Variants in SCARB1 observed in about 807,000 individuals in gnomAD.
The protein encoded by SCARB1 is scavenger receptor class B member 1.
Under a neutral mutation model 57.2 loss-of-function variants are expected in SCARB1, and 30 were observed. The observed-to-expected ratio is 0.52, with a 90% CI of 0.39 to 0.71. The LOEUF (loss-of-function observed/expected upper bound fraction) is 0.71, where lower values mean the gene tolerates loss of function less well. Ranked by LOEUF, SCARB1 falls within the 30% of genes least tolerant of loss-of-function variation. The pLI is 0.00. For synonymous variants in SCARB1, 249 were observed against 268.3 expected, an observed-to-expected ratio of 0.93 and a Z score of 0.70; for missense variants, 543 against 671.2, an observed-to-expected ratio of 0.81 and a Z score of 2.11.
intron 7 of SCARB1, among the ~76,000 whole-genome samples, chr12:124,803,578 G>A (rs1950210829): frequency 7.3e-6 from 1 of 136,356 alleles, no homozygotes. Context: ...AAAAAACAAA[G>A]CAAAAAACCC....
rs761582476 is a variant in SCARB1, at chr12:124,807,744, CAG to C, written c.1009+15_1009+16del. 1.9e-6 allele frequency: 3 copies of C among 1,613,702 alleles called. No homozygotes were observed. Among genetic ancestry groups the C allele is most frequent in the African/African-American group, 1.3e-5 (1 of 75,010 alleles). ...CTCACACCCTCCCGCCATCCCAGCA[CAG>C]GGGACGGCACGTACTGAACCTGCAG... On this transcript the variant is annotated intron_variant, in intron 7 of 12. Transcript: ENST00000261693. This position sits in a 1 kb window ranked among gnomAD's most constrained non-coding sequence, Gnocchi z 5.3.
intron 1 of SCARB1, among the ~76,000 whole-genome samples, chr12:124,824,254 C>T (rs1038921264): frequency 6.6e-6 from 1 of 151,526 alleles, no homozygotes; most frequent in Non-Finnish European, 1.5e-5. Flanking sequence ...ATGGACAAAC[C>T]TCAAAAACCT....
At chr12:124,787,532 A>G (rs947244466) in intron 9 of SCARB1, 75 bp from the exon 10 acceptor site, 1 of 1,298,072 alleles carries the variant, frequency 7.7e-7, no homozygotes, top group Non-Finnish European at 1.1e-6. Flanking sequence ...CTTGAATACA[A>G]CATCTAAACA....
Position 124,800,321 on chromosome 12 carries a change from G to A in SCARB1, c.1010-79C>T. On this transcript the variant is annotated intron_variant, in intron 7 of 12. Transcript: ENST00000261693. This position sits in a 1 kb window ranked among gnomAD's most constrained non-coding sequence, Gnocchi z 4.8. ...CTGCCAGGCCGGAGGTCTGCACAGA[G>A]CTGTGGTCTGCAGGGCACCCCCGTG... 1 of 1,060,888 alleles carries A rather than the reference G, an allele frequency of 9.4e-7. No individual in the cohort carries two copies. The highest frequency in any genetic ancestry group is 1.4e-6 in the Non-Finnish European group (1 of 691,130). 65.7% of individuals were successfully genotyped at this position (1,060,888 alleles called of 1,614,324 possible).
intron 7 of SCARB1, among the ~76,000 whole-genome samples, chr12:124,802,399 T>G (rs1950166548): frequency 6.6e-6 from 1 of 152,050 alleles, no homozygotes; most frequent in South Asian, 2.1e-4. Flanking sequence ...CACTCTCACC[T>G]CCTTGGACCT....
intron 8 of SCARB1, among the ~76,000 whole-genome samples, chr12:124,798,060 T>C (rs1950005993): frequency 1.3e-5 from 2 of 152,180 alleles, no homozygotes; most frequent in South Asian, 2.1e-4. Flanking sequence ...CGTCAGTGAA[T>C]GAATGGGCAG....
chr12:124,841,438 T>C (rs1010825852), intron 1 of SCARB1, among the ~76,000 whole-genome samples: 1 of 145,546 alleles, frequency 6.9e-6, no homozygotes, highest in South Asian at 2.2e-4. Flanking sequence ...GCTGATACCA[T>C]GCCACTGCAC....
At chr12:124,806,794 C>T (rs1950339931) in intron 7 of SCARB1, among the ~76,000 whole-genome samples, 1 of 152,028 alleles carries the variant, frequency 6.6e-6, no homozygotes, top group African/African-American at 2.4e-5. Context: ...CCCAGCTACT[C>T]AGGAGGCTGA....
At chr12:124,840,551 CG>C (rs1951868252) in intron 1 of SCARB1, among the ~76,000 whole-genome samples, 1 of 152,048 alleles carries the variant, frequency 6.6e-6, no homozygotes, top group African/African-American at 2.4e-5. Flanking sequence ...GAGTTGTCCT[CG>C]CTTGATTTTA....
chr12:124,849,479 T>C (rs1030331932), intron 1 of SCARB1, among the ~76,000 whole-genome samples: 3 of 152,234 alleles, frequency 2.0e-5, no homozygotes, highest in Non-Finnish European at 2.9e-5. Flanking sequence ...GGCAGGGGTA[T>C]CAATGGGACC....
In SCARB1 at chr12:124,789,406, G is replaced by A. The variant is rs1949640740; in HGVS notation, c.1203-1949C>T. ...CTGTCACAGCCAAAAGGTGCCTAAG[G>A]AGACCGGAAGACCAATGCGACACCT... On this transcript the variant is annotated intron_variant, in intron 9 of 12. Coordinates refer to ENST00000261693, the MANE Select transcript of SCARB1 (RefSeq NM_005505.5). The surrounding 1 kb of genome is among the most constrained non-coding windows in gnomAD (Gnocchi z 4.4). 6.6e-6 allele frequency among the ~76,000 whole-genome samples: 1 copy of A among 150,514 alleles called. No homozygotes were observed. Among genetic ancestry groups the A allele is most frequent in the Non-Finnish European group, 1.5e-5 (1 of 68,038 alleles).
At chr12:124,780,417 T>A (rs1873222919) in intron 12 of SCARB1, among the ~76,000 whole-genome samples, 1 of 152,192 alleles carries the variant, frequency 6.6e-6, no homozygotes, top group African/African-American at 2.4e-5. Flanking sequence ...CTCAGGGCCA[T>A]CCCCATACCC....
intron 10 of SCARB1, among the ~76,000 whole-genome samples, chr12:124,786,953 G>A (rs1049099303): frequency 6.6e-6 from 1 of 152,180 alleles, no homozygotes; most frequent in African/African-American, 2.4e-5. Context: ...AGCTAGCCCT[G>A]ATTTAAAACG....
At chr12:124,843,293 G>T (rs1030400985) in intron 1 of SCARB1, among the ~76,000 whole-genome samples, 2 of 120,920 alleles carry the variant, frequency 1.7e-5, no homozygotes, top group African/African-American at 5.5e-5. Flanking sequence ...GTGGAGATGG[G>T]GGGGGGGGTC....
chr12:124,859,211 T>A (rs918245867), intron 1 of SCARB1, among the ~76,000 whole-genome samples: 16 of 152,134 alleles, frequency 1.1e-4, no homozygotes, highest in African/African-American at 3.9e-4. Flanking sequence ...ACACGTAGCA[T>A]GTGGATACAT....
chr12:124,816,521 A>AAAC (rs774848907), intron 2 of SCARB1, among the ~76,000 whole-genome samples: 63 of 152,182 alleles, frequency 4.1e-4, no homozygotes, highest in Non-Finnish European at 1.6e-4. Flanking sequence ...TCCCATTCCC[A>AAAC]AACCTCAGGC....
At chr12:124,824,185 A>C (rs1343369425) in intron 1 of SCARB1, among the ~76,000 whole-genome samples, 6 of 149,786 alleles carry the variant, frequency 4.0e-5, no homozygotes, top group African/African-American at 7.4e-5. Flanking sequence ...CAAAAAAAAA[A>C]AAAAAAGAGA....
intron 1 of SCARB1, among the ~76,000 whole-genome samples, chr12:124,843,376 T>C (rs1951995141): frequency 6.6e-6 from 1 of 151,978 alleles, no homozygotes; most frequent in Non-Finnish European, 1.5e-5. Flanking sequence ...CGCTAAGTGC[T>C]GGGATTACAG....
chr12:124,805,215 G>A (rs1465160690), intron 7 of SCARB1, among the ~76,000 whole-genome samples: 1 of 152,002 alleles, frequency 6.6e-6, no homozygotes, highest in African/African-American at 2.4e-5. Flanking sequence ...GGAAATCAGA[G>A]GAGGCCTCCC....
Sources: allele counts gnomAD v4.1 joint callset (sites outside exome capture counted in the v4.1 genomes callset), GRCh38; gene constraint gnomAD v4.1.1; non-coding constraint Gnocchi (gnomAD v3.1); transcripts MANE v1.5; gene names NCBI Gene and HGNC (gene_info 2026-07-23, HGNC 2026-07-21).